The following ST8SIA4 variants were observed in gnomAD, a reference collection of about 807,000 sequenced individuals.
ST8SIA4 encodes CMP-N-acetylneuraminate-poly-alpha-2,8-sialyltransferase.
In ST8SIA4, 15 loss-of-function variants were observed where a neutral mutation model predicts 33.9. That is an observed-to-expected ratio of 0.44 (90% CI 0.30 to 0.68). The LOEUF (loss-of-function observed/expected upper bound fraction) is 0.68, where lower values mean the gene tolerates loss of function less well. Ranked by LOEUF, ST8SIA4 falls within the 30% of genes least tolerant of loss-of-function variation. ST8SIA4 has a pLI of 0.10. For missense variants in ST8SIA4, 321 were observed against 428.0 expected (o/e 0.75, Z 2.21); for synonymous variants, 171 against 151.2 (o/e 1.13, Z -0.96).
At chr5:100,885,528 T>C in intron 3 of ST8SIA4, 2 of 932,924 alleles carry the variant, frequency 2.1e-6, no homozygotes, top group Non-Finnish European at 2.6e-6. Flanking sequence ...CAACTCAGCA[T>C]ACTTTTCTAT....
intron 3 of ST8SIA4, among the ~76,000 whole-genome samples, chr5:100,869,546 A>G (rs1301050343): frequency 6.6e-6 from 1 of 152,120 alleles, no homozygotes; most frequent in South Asian, 2.1e-4. Context: ...TCTCTTTCAT[A>G]TATTTTATTT....
chr5:100,897,409 C>G (rs904700215), intron 1 of ST8SIA4, among the ~76,000 whole-genome samples: 21 of 152,118 alleles, frequency 1.4e-4, no homozygotes, highest in Non-Finnish European at 2.5e-4. Context: ...AATCAAAAAG[C>G]TACTTCTTAT....
intron 4 of ST8SIA4, among the ~76,000 whole-genome samples, chr5:100,839,696 G>T (rs1448459078): frequency 1.3e-5 from 2 of 151,574 alleles, no homozygotes; most frequent in Non-Finnish European, 2.9e-5. Flanking sequence ...TACATACAAG[G>T]GTCTCTAAAT....
intron 3 of ST8SIA4, among the ~76,000 whole-genome samples, chr5:100,884,646 T>C (rs1283441086): frequency 6.6e-6 from 1 of 151,896 alleles, no homozygotes; most frequent in Non-Finnish European, 1.5e-5. Context: ...ACCTACTTAT[T>C]GGACACACAA....
rs1580473190 is a variant in ST8SIA4, at chr5:100,870,055, T to A, written c.504-13659A>T. On this transcript the variant is annotated intron_variant, in intron 3 of 4. Transcript: ENST00000231461. ...TGTTCCCCACCCTGTGTCCAAGTGA[T>A]CTCATTGTTCAATTCCCACGTATGA... Among the ~76,000 whole-genome samples the A allele has an allele frequency of 2.0e-5, 3 of 152,278 alleles. 1 individual carries two copies. The South Asian group carries it at 6.2e-4, about 32-fold the overall frequency.
intron 4 of ST8SIA4, among the ~76,000 whole-genome samples, chr5:100,818,667 G>A (rs1410684957): frequency 6.6e-6 from 1 of 152,058 alleles, no homozygotes; most frequent in Non-Finnish European, 1.5e-5. Flanking sequence ...AGAGGTCTGT[G>A]TCAAGTAGCT....
At chr5:100,893,480 T>G (rs1752716135) in intron 2 of ST8SIA4, among the ~76,000 whole-genome samples, 2 of 152,180 alleles carry the variant, frequency 1.3e-5, no homozygotes, top group Admixed American at 1.3e-4. Context: ...TCATTCATAC[T>G]ATCAGCTATT....
intron 3 of ST8SIA4, among the ~76,000 whole-genome samples, chr5:100,875,560 G>A (rs1157158281): frequency 1.3e-5 from 2 of 152,126 alleles, no homozygotes. Context: ...TGTGGTATGT[G>A]TCTTTGGAGA....
chr5:100,898,936 T>C (rs185422670), intron 1 of ST8SIA4, among the ~76,000 whole-genome samples: 1 of 152,324 alleles, frequency 6.6e-6, no homozygotes, highest in Non-Finnish European at 1.5e-5. Flanking sequence ...TCCCTGCTTA[T>C]TTGGATCAAA....
At chr5:100,822,688 C>T (rs963127640) in intron 4 of ST8SIA4, among the ~76,000 whole-genome samples, 4 of 152,138 alleles carry the variant, frequency 2.6e-5, no homozygotes, top group Admixed American at 2.6e-4. Context: ...GCATTTGAAA[C>T]AGAGCAACTC....
chr5:100,861,373 C>A (rs946146858), intron 3 of ST8SIA4, among the ~76,000 whole-genome samples: 1 of 152,070 alleles, frequency 6.6e-6, no homozygotes, highest in Non-Finnish European at 1.5e-5. Context: ...GTCATAATTT[C>A]TAGAGAAATT....
At chr5:100,873,041 G>A (rs1474427286) in intron 3 of ST8SIA4, among the ~76,000 whole-genome samples, 1 of 152,094 alleles carries the variant, frequency 6.6e-6, no homozygotes, top group African/African-American at 2.4e-5. Context: ...CTGACATTCT[G>A]TAGTTCTAAC....
chr5:100,814,990 G>A (rs1750885650), intron 4 of ST8SIA4, among the ~76,000 whole-genome samples: 1 of 151,616 alleles, frequency 6.6e-6, no homozygotes, highest in Admixed American at 6.6e-5. Flanking sequence ...ATCCTCATTA[G>A]GAAAAATATT....
At chr5:100,815,647 T>C (rs1561382524) in intron 4 of ST8SIA4, among the ~76,000 whole-genome samples, 2 of 152,062 alleles carry the variant, frequency 1.3e-5, no homozygotes, top group Admixed American at 1.3e-4. Context: ...GTGTCTTATA[T>C]ACTCTTGCTC....
intron 1 of ST8SIA4, among the ~76,000 whole-genome samples, chr5:100,901,829 G>A (rs1156650828): frequency 6.6e-6 from 1 of 152,176 alleles, no homozygotes. Context: ...GAGCATGTGT[G>A]TGTGTTAGCA....
intron 4 of ST8SIA4, among the ~76,000 whole-genome samples, chr5:100,843,983 T>C (rs930431920): frequency 6.6e-6 from 1 of 151,900 alleles, no homozygotes; most frequent in Non-Finnish European, 1.5e-5. Flanking sequence ...TCCAGTTATA[T>C]TGAAGCAAGG....
intron 4 of ST8SIA4, among the ~76,000 whole-genome samples, chr5:100,834,724 G>A (rs1751330137): frequency 6.6e-6 from 1 of 151,972 alleles, no homozygotes; most frequent in Non-Finnish European, 1.5e-5. Context: ...GGATATGATT[G>A]TTTAAAAGTG....
intron 3 of ST8SIA4, among the ~76,000 whole-genome samples, chr5:100,856,817 C>T (rs1304907311): frequency 6.6e-6 from 1 of 152,242 alleles, no homozygotes; most frequent in South Asian, 2.1e-4. Context: ...TAATCTGCAC[C>T]ACTTGTAAAG....
At chr5:100,876,421 T>G (rs1752307664) in intron 3 of ST8SIA4, among the ~76,000 whole-genome samples, 1 of 152,102 alleles carries the variant, frequency 6.6e-6, no homozygotes. Flanking sequence ...TGTCAAAATT[T>G]TGCTTGTCTG....
Sources: allele counts gnomAD v4.1 joint callset (sites outside exome capture counted in the v4.1 genomes callset), GRCh38; gene constraint gnomAD v4.1.1; transcripts MANE v1.5; gene names NCBI Gene and HGNC (gene_info 2026-07-23, HGNC 2026-07-21).